Variants in CSMD1 observed in about 807,000 individuals in gnomAD.
CSMD1 encodes the protein CUB and sushi domain-containing protein 1.
Under a neutral mutation model 417.5 loss-of-function variants are expected in CSMD1, and 213 were observed. The ratio of observed to expected loss-of-function variants is 0.51; its 90% CI spans 0.46 to 0.57. The LOEUF is 0.57. CSMD1 is among the 20% of genes least tolerant of loss of function. The pLI, the probability that CSMD1 is intolerant of heterozygous loss-of-function variation, is 0.00. For missense variants in CSMD1, 6,923 were observed against 4,529.7 expected, an observed-to-expected ratio of 1.53 and a Z score of -15.17; for synonymous variants, 2,862 against 1,736.8, an observed-to-expected ratio of 1.65 and a Z score of -16.11.
chr8:4,054,430 C>G (rs1209508391), intron 3 of CSMD1, among the ~76,000 whole-genome samples: 1 of 152,174 alleles, frequency 6.6e-6, no homozygotes, highest in African/African-American at 2.4e-5. Context: ...TACCCCTAAA[C>G]TCTTGTATGG....
At chr8:4,111,782 G>A (rs949896085) in intron 3 of CSMD1, among the ~76,000 whole-genome samples, 3 of 152,128 alleles carry the variant, frequency 2.0e-5, no homozygotes, top group African/African-American at 7.2e-5. Context: ...GGCATAGGGT[G>A]AGGGAGAGCA....
intron 25 of CSMD1, among the ~76,000 whole-genome samples, chr8:3,295,392 C>A (rs746176570): frequency 3.3e-5 from 5 of 152,080 alleles, no homozygotes; most frequent in African/African-American, 1.2e-4. Context: ...TCCCAAAGTG[C>A]TGGGATTAGA....
At chr8:4,006,142 A>T (rs1371065163) in intron 4 of CSMD1, among the ~76,000 whole-genome samples, 15 of 152,190 alleles carry the variant, frequency 9.9e-5, no homozygotes, top group African/African-American at 3.6e-4. Flanking sequence ...TCAACCACAG[A>T]TGATTTATGT....
intron 20 of CSMD1, among the ~76,000 whole-genome samples, chr8:3,362,345 A>AT (rs1585053573): frequency 2.0e-5 from 3 of 152,086 alleles, no homozygotes; most frequent in African/African-American, 7.2e-5. Flanking sequence ...TTCCACTCAA[A>AT]TGATCTTACC....
intron 10 of CSMD1, among the ~76,000 whole-genome samples, chr8:3,505,962 A>C (rs948177291): frequency 6.6e-6 from 1 of 152,210 alleles, no homozygotes; most frequent in African/African-American, 2.4e-5. Context: ...GTAAACCAGA[A>C]AGGAAGAGGG....
At chr8:4,441,288 G>A (rs570060246) in intron 2 of CSMD1, among the ~76,000 whole-genome samples, 5 of 142,202 alleles carry the variant, frequency 3.5e-5, no homozygotes, top group African/African-American at 1.0e-4. Context: ...TTTTTGGTGG[G>A]GGGAGTAGAG....
chr8:3,059,901 G>C (rs1334778819), intron 49 of CSMD1, among the ~76,000 whole-genome samples: 1 of 152,122 alleles, frequency 6.6e-6, no homozygotes, highest in Non-Finnish European at 1.5e-5. Context: ...AGGGCAAGTA[G>C]ATTCAGGGGA....
chr8:3,318,792 CCA>C (rs1330318192), intron 23 of CSMD1, among the ~76,000 whole-genome samples: 1 of 152,010 alleles, frequency 6.6e-6, no homozygotes, highest in Non-Finnish European at 1.5e-5. Flanking sequence ...ACAGGGCAGC[CCA>C]CACACACAGA....
chr8:3,096,787 T>C (rs527837035), intron 47 of CSMD1, 62 bp downstream of exon 47: 2 of 1,052,496 alleles, frequency 1.9e-6, no homozygotes, highest in South Asian at 3.4e-5. Context: ...ACTAAAACAT[T>C]GTAATAGTGT....
At chr8:4,581,744 C>G (rs1237432365) in intron 2 of CSMD1, among the ~76,000 whole-genome samples, 1 of 152,186 alleles carries the variant, frequency 6.6e-6, no homozygotes, top group Non-Finnish European at 1.5e-5. Flanking sequence ...GGGCCCTCAC[C>G]TCAGACCAAC....
At chr8:4,092,206 T>C (rs1394622190) in intron 3 of CSMD1, among the ~76,000 whole-genome samples, 2 of 152,200 alleles carry the variant, frequency 1.3e-5, no homozygotes, top group Non-Finnish European at 2.9e-5. Context: ...CATGTATTGA[T>C]AACTATTTAA....
intron 1 of CSMD1, among the ~76,000 whole-genome samples, chr8:4,823,596 G>A (rs1799643051): frequency 6.6e-6 from 1 of 151,852 alleles, no homozygotes; most frequent in Non-Finnish European, 1.5e-5. Flanking sequence ...ATGGGCATTT[G>A]CCCACTCAAA....
intron 3 of CSMD1, among the ~76,000 whole-genome samples, chr8:4,370,830 C>T (rs1802352051): frequency 6.6e-6 from 1 of 152,130 alleles, no homozygotes; most frequent in Non-Finnish European, 1.5e-5. Flanking sequence ...ACTCTTAGAT[C>T]ATTTTATTGT....
At chr8:3,271,994 C>T (rs945861419) in intron 26 of CSMD1, among the ~76,000 whole-genome samples, 45 of 151,928 alleles carry the variant, frequency 3.0e-4, no homozygotes, top group Non-Finnish European at 4.4e-4. Context: ...TTGAGACATG[C>T]AGTCCTTGCC....
At chr8:4,167,891 G>T (rs1797543524) in intron 3 of CSMD1, among the ~76,000 whole-genome samples, 1 of 152,048 alleles carries the variant, frequency 6.6e-6, no homozygotes, top group African/African-American at 2.4e-5. Flanking sequence ...ACTTTGGGAG[G>T]CTGAGGCAGG....
chr8:3,401,863 A>G (rs1812058400), intron 15 of CSMD1, among the ~76,000 whole-genome samples: 1 of 152,184 alleles, frequency 6.6e-6, no homozygotes, highest in Non-Finnish European at 1.5e-5. Context: ...TTTGATGAAC[A>G]TCATCAATCA....
At chr8:4,052,246 G>C (rs1032217590) in intron 3 of CSMD1, among the ~76,000 whole-genome samples, 1 of 152,170 alleles carries the variant, frequency 6.6e-6, no homozygotes, top group Non-Finnish European at 1.5e-5. Context: ...ATTTCTGAGA[G>C]GGTGGGAGTC....
At chr8:3,970,045 G>C (rs570093212) in intron 5 of CSMD1, among the ~76,000 whole-genome samples, 52 of 152,260 alleles carry the variant, frequency 3.4e-4, no homozygotes, top group Admixed American at 8.5e-4. Context: ...AGCATACTGA[G>C]CTACCAAACT....
chr8:3,088,843 TAAAAAAAAAA>T (rs5888943), intron 48 of CSMD1, among the ~76,000 whole-genome samples: 1 of 114,084 alleles, frequency 8.8e-6, no homozygotes, highest in Non-Finnish European at 1.7e-5. Flanking sequence ...ACTGTGCTAG[TAAAAAAAAAA>T]AAAAAAAAAA....
Sources: gnomAD v4.1 joint callset for allele counts (sites outside exome capture counted in the v4.1 genomes callset) on GRCh38, gnomAD v4.1.1 for gene constraint, MANE v1.5 for transcripts, NCBI Gene and HGNC (gene_info 2026-07-23, HGNC 2026-07-21) for gene names.